The following GALNT17 variants were observed in gnomAD, a reference collection of about 807,000 sequenced individuals.
GALNT17 encodes UDP-GalNAc:polypeptide N-acetylgalactosaminyltransferase-like 3.
GALNT17 carries 29 observed loss-of-function variants against 63.7 expected under a neutral mutation model. The ratio of observed to expected loss-of-function variants is 0.46; its 90% CI spans 0.34 to 0.62. The LOEUF (loss-of-function observed/expected upper bound fraction) is 0.62, where lower values mean the gene tolerates loss of function less well. Among genes scored for constraint, GALNT17 ranks in the 20% least tolerant of loss-of-function variants. The pLI is 0.01. For missense variants in GALNT17, 603 were observed against 799.6 expected, an observed-to-expected ratio of 0.75 and a Z score of 2.97; for synonymous variants, 305 against 318.3, an observed-to-expected ratio of 0.96 and a Z score of 0.45.
chr7:71,215,683 G>A (rs4126230), intron 1 of GALNT17, among the ~76,000 whole-genome samples: 56,575 of 151,742 alleles, frequency 0.37, 10,883 homozygotes, highest in South Asian at 0.53. Context: ...TGTAAATGTC[G>A]GATATTATAT....
intron 8 of GALNT17, among the ~76,000 whole-genome samples, chr7:71,676,820 G>C (rs111463719): frequency 0.025 from 3,742 of 152,254 alleles, 69 homozygotes; most frequent in Non-Finnish European, 0.039. Context: ...GATTTTACAA[G>C]CCACTTAGAA....
intron 5 of GALNT17, among the ~76,000 whole-genome samples, chr7:71,528,173 C>T (rs12112506): frequency 0.67 from 101,689 of 152,018 alleles, 34,364 homozygotes; most frequent in Non-Finnish European, 0.73. Flanking sequence ...AAAAAGCAGA[C>T]AAAATGGGCT....
At chr7:71,341,807 A>G (rs1332945476) in intron 2 of GALNT17, among the ~76,000 whole-genome samples, 1 of 152,218 alleles carries the variant, frequency 6.6e-6, no homozygotes, top group Non-Finnish European at 1.5e-5. Flanking sequence ...CCAGCAAAAC[A>G]AAGGAGTCAA....
intron 1 of GALNT17, among the ~76,000 whole-genome samples, chr7:71,143,056 T>G (rs895970971): frequency 4.6e-5 from 7 of 151,824 alleles, no homozygotes; most frequent in Non-Finnish European, 1.0e-4. Flanking sequence ...CACTTAGAAA[T>G]TTTCATGCAT....
intron 2 of GALNT17, among the ~76,000 whole-genome samples, chr7:71,342,589 A>G (rs1792025164): frequency 6.6e-6 from 1 of 152,238 alleles, no homozygotes; most frequent in African/African-American, 2.4e-5. Flanking sequence ...TATACTCTGT[A>G]GCTCAGCTCT....
chr7:71,472,057 C>T (rs1430453169), intron 5 of GALNT17, among the ~76,000 whole-genome samples: 2 of 151,998 alleles, frequency 1.3e-5, no homozygotes, highest in African/African-American at 4.8e-5. Context: ...GGAAGTCCAA[C>T]ATCAAGGTGC....
At chr7:71,386,434 G>A (rs981929668) in intron 2 of GALNT17, among the ~76,000 whole-genome samples, 3 of 152,126 alleles carry the variant, frequency 2.0e-5, no homozygotes, top group Non-Finnish European at 4.4e-5. Context: ...ATGCATTAAA[G>A]TGCAGGTACC....
At position 71,458,119 on chromosome 7, in the gene GALNT17, T is replaced by A. The variant is rs564636018; in HGVS notation, c.962+37014T>A. The stretch of plus-strand genomic sequence containing the variant: ...GTGAGGGGTCACCTGCTGCCAGGGC[T>A]CAGGCAGCAGGCTTGGCCAGTCCTT... On this transcript the variant is annotated intron_variant, in intron 5 of 10. Coordinates refer to ENST00000333538, the MANE Select transcript of GALNT17 (RefSeq NM_022479.3). Among the ~76,000 whole-genome samples the A allele has an allele frequency of 2.7e-3, 405 of 152,250 alleles. 1 individual carries two copies. Among genetic ancestry groups the A allele is most frequent in the African/African-American group, 8.8e-3 (366 of 41,550 alleles).
chr7:71,188,962 C>T (rs1469818575), intron 1 of GALNT17, among the ~76,000 whole-genome samples: 1 of 152,068 alleles, frequency 6.6e-6, no homozygotes, highest in Non-Finnish European at 1.5e-5. Context: ...TGCTGCTCTA[C>T]AGTTCTTGAA....
intron 2 of GALNT17, among the ~76,000 whole-genome samples, chr7:71,350,345 G>C (rs1583881078): frequency 6.6e-6 from 1 of 152,068 alleles, no homozygotes; most frequent in Non-Finnish European, 1.5e-5. Flanking sequence ...TTATAAGGGG[G>C]AGACAGATGA....
chr7:71,362,876 C>A (rs11982964), intron 2 of GALNT17, among the ~76,000 whole-genome samples: 3,807 of 152,280 alleles, frequency 0.025, 150 homozygotes, highest in African/African-American at 0.087. Flanking sequence ...CTGTGTAAAT[C>A]TCAGCCACGC....
chr7:71,168,679 A>G (rs565701251), intron 1 of GALNT17, among the ~76,000 whole-genome samples: 1 of 150,102 alleles, frequency 6.7e-6, no homozygotes, highest in East Asian at 2.0e-4. Flanking sequence ...AAATTAACAC[A>G]TCCATCAGCT....
At chr7:71,685,948 A>ATTTTTTT (rs3062958) in intron 9 of GALNT17, among the ~76,000 whole-genome samples, 31 of 59,808 alleles carry the variant, frequency 5.2e-4, no homozygotes, top group East Asian at 1.2e-3. Flanking sequence ...GGCAATTACT[A>ATTTTTTT]TTTTTTTTTT....
intron 6 of GALNT17, among the ~76,000 whole-genome samples, chr7:71,632,692 G>T (rs181294028): frequency 3.3e-5 from 5 of 152,134 alleles, no homozygotes; most frequent in African/African-American, 1.2e-4. Context: ...TTCTCTCAGG[G>T]CCCAGACCAG....
intron 6 of GALNT17, among the ~76,000 whole-genome samples, chr7:71,596,874 T>C (rs896901941): frequency 6.6e-6 from 1 of 151,922 alleles, no homozygotes; most frequent in Non-Finnish European, 1.5e-5. Flanking sequence ...GGGTTGAGGC[T>C]TTGCCATCTG....
chr7:71,511,328 TAGGGGTTG>T (rs1037612604), intron 5 of GALNT17, among the ~76,000 whole-genome samples: 46 of 152,058 alleles, frequency 3.0e-4, no homozygotes, highest in Admixed American at 1.2e-3. Context: ...GTGTGGGTAA[TAGGGGTTG>T]AGGGGCAGAA....
intron 6 of GALNT17, among the ~76,000 whole-genome samples, chr7:71,580,451 CAT>C: frequency 1.3e-5 from 2 of 149,422 alleles, no homozygotes; most frequent in Middle Eastern, 6.8e-3. Context: ...ATAGATGAGA[CAT>C]AGATAGTCTC....
intron 1 of GALNT17, among the ~76,000 whole-genome samples, chr7:71,219,589 C>T (rs1789546907): frequency 6.6e-6 from 1 of 151,896 alleles, no homozygotes; most frequent in African/African-American, 2.4e-5. Flanking sequence ...ATTTAATTTC[C>T]AAGAGCCTTT....
rs1001767608 is a variant in GALNT17 at position 71,242,671 on chromosome 7, T to G, written c.239-92879T>G. Reference sequence around the variant, plus strand: ...ATGCAGATGTAGTTTTGAGTCAACTTGGACTACAAGGAAGAGGGCAACATT... The same window carrying G: ...ATGCAGATGTAGTTTTGAGTCAACTGGGACTACAAGGAAGAGGGCAACATT... On this transcript the variant is annotated intron_variant, in intron 1 of 10. Transcript: ENST00000333538. Among the ~76,000 whole-genome samples the G allele has an allele frequency of 7.9e-5, 12 of 152,122 alleles. No individual in the cohort carries two copies. In the East Asian group the frequency reaches 2.3e-3, roughly 29 times the overall value.
Sources: gnomAD v4.1 joint callset for allele counts (sites outside exome capture counted in the v4.1 genomes callset) on GRCh38, gnomAD v4.1.1 for gene constraint, MANE v1.5 for transcripts, NCBI Gene and HGNC (gene_info 2026-07-23, HGNC 2026-07-21) for gene names.